The following GTF2H3 variants were observed in gnomAD, a reference collection of about 807,000 sequenced individuals.
GTF2H3 encodes general transcription factor IIH subunit 3.
GTF2H3 carries 42 observed loss-of-function variants against 51.1 expected under a neutral mutation model. That is an observed-to-expected ratio of 0.82 (90% CI 0.64 to 1.06). The LOEUF is 1.06. Ranked by LOEUF, GTF2H3 falls within the 50% of genes least tolerant of loss-of-function variation. The probability of loss-of-function intolerance (pLI) is 0.00; values close to 1 mark genes in which losing one functional copy is unlikely to be tolerated. For synonymous variants in GTF2H3, 123 were observed against 123.8 expected (o/e 0.99, Z 0.04); for missense variants, 326 against 366.1 (o/e 0.89, Z 0.89).
intron 2 of GTF2H3, among the ~76,000 whole-genome samples, chr12:123,642,058 T>C (rs1210994805): frequency 6.6e-6 from 1 of 151,984 alleles, no homozygotes; most frequent in East Asian, 1.9e-4. Context: ...TTCACCATAT[T>C]GGTCAGGCTG....
chr12:123,659,382 A>G (rs1441762581), intron 9 of GTF2H3, 134 bp from the exon 10 acceptor site: 1 of 705,222 alleles, frequency 1.4e-6, no homozygotes, highest in Non-Finnish European at 2.6e-6. Context: ...AAAAATAAAA[A>G]TAAAATAATA....
chr12:123,653,593 G>C (rs1273115934), intron 7 of GTF2H3, among the ~76,000 whole-genome samples: 3 of 151,498 alleles, frequency 2.0e-5, no homozygotes, highest in African/African-American at 7.3e-5. Context: ...AGGTTGCAGT[G>C]AGCCGAGATT....
chr12:123,659,691 G>A (rs1955630734), intron 10 of GTF2H3, 104 bp from the exon 11 acceptor site: 1 of 1,451,798 alleles, frequency 6.9e-7, no homozygotes, highest in Non-Finnish European at 9.6e-7. Flanking sequence ...CAGGAGAAGG[G>A]AATAAATGGA....
intron 2 of GTF2H3, among the ~76,000 whole-genome samples, chr12:123,642,608 A>G (rs915088317): frequency 3.9e-5 from 6 of 152,202 alleles, no homozygotes; most frequent in African/African-American, 1.4e-4. Context: ...GTATCTTATC[A>G]TTGTGTACTT....
intron 9 of GTF2H3, among the ~76,000 whole-genome samples, chr12:123,656,544 C>T (rs1257248350): frequency 1.3e-5 from 2 of 152,174 alleles, no homozygotes; most frequent in East Asian, 1.9e-4. Flanking sequence ...CTCCTGAGTT[C>T]CAGACTTGCA....
chr12:123,656,072 G>A (rs1593813098), intron 9 of GTF2H3: 1 of 357,928 alleles, frequency 2.8e-6, no homozygotes. Flanking sequence ...TAACCCGAAA[G>A]GGAAACAAAA....
Position 123,655,129 on chromosome 12 carries a change from T to A in GTF2H3, c.561+131T>A, listed in dbSNP as rs1955571107. ...ATGGGCAAGGAATCCAGAATCTGTA[T>A]TATGTTCTAGTCTTTTCTCTATTTT... On this transcript the variant is annotated intron_variant, in intron 8 of 12. Coordinates refer to ENST00000543341, the MANE Select transcript of GTF2H3 (RefSeq NM_001516.5). 9.9e-6 allele frequency: 7 copies of A among 710,434 alleles called. No homozygotes were observed. In the Admixed American group the frequency reaches 1.2e-4, roughly 12 times the overall value. The allele number at this position is 710,434 out of a possible 1,614,324, so 44.0% of individuals were successfully genotyped here. A position where few individuals can be genotyped will look rare whatever the true frequency, so the allele number is the denominator to read the frequency against.
rs1955515243 is a variant in GTF2H3 at position 123,651,172 on chromosome 12, T to C, written c.427+116T>C. 4.5e-6 allele frequency: 3 copies of C among 670,522 alleles called. No individual in the cohort carries two copies. In the South Asian group the frequency reaches 5.2e-5, roughly 12 times the overall value. 41.5% of individuals were successfully genotyped at this position (670,522 alleles called of 1,614,324 possible). A position where few individuals can be genotyped will look rare whatever the true frequency, so the allele number is the denominator to read the frequency against. ...ACTGGGACATGTGAGTACTCTGAAG[T>C]GGAGGGTAATTTTTTAAAAAATAGT... On this transcript the variant is annotated intron_variant, in intron 5 of 12. Transcript: ENST00000543341.
chr12:123,655,846 T>C (rs1379314808), intron 9 of GTF2H3, 22 bp downstream of exon 9: 1 of 1,524,436 alleles, frequency 6.6e-7, no homozygotes, highest in African/African-American at 1.4e-5. Flanking sequence ...AACCATGCTT[T>C]GTGTCGGTGG....
At chr12:123,641,750 T>G (rs190522609) in intron 2 of GTF2H3, among the ~76,000 whole-genome samples, 22 of 152,348 alleles carry the variant, frequency 1.4e-4, no homozygotes, top group Non-Finnish European at 2.6e-4. Context: ...TTTGGTTCTT[T>G]GTCCTCCTTT....
chr12:123,638,603 C>T (rs575450291), intron 1 of GTF2H3, among the ~76,000 whole-genome samples: 2 of 152,194 alleles, frequency 1.3e-5, no homozygotes, highest in South Asian at 2.1e-4. Flanking sequence ...TGCCACCACA[C>T]CTGGCCCTCG....
chr12:123,645,448 C>A lies in GTF2H3; in HGVS notation c.94-7C>A. On this transcript the variant is annotated splice_region_variant and splice_polypyrimidine_tract_variant and intron_variant, in intron 2 of 12. Coordinates refer to ENST00000543341, the MANE Select transcript of GTF2H3 (RefSeq NM_001516.5). Reference sequence around the variant, plus strand: ...TTGTTTTTCTAATGTCTTTTTTTTTCCAACAGTTCACTTTATCCAAATGCA... The same window carrying A: ...TTGTTTTTCTAATGTCTTTTTTTTTACAACAGTTCACTTTATCCAAATGCA... 2 of 1,441,220 alleles carry A rather than the reference C, an allele frequency of 1.4e-6. No homozygotes were observed. The highest frequency in any genetic ancestry group is 1.9e-6 in the Non-Finnish European group (2 of 1,032,708). The allele number at this position is 1,441,220 out of a possible 1,614,324, so 89.3% of individuals were successfully genotyped here.
chr12:123,641,545 T>G (rs547545202), intron 2 of GTF2H3, among the ~76,000 whole-genome samples: 3 of 150,438 alleles, frequency 2.0e-5, no homozygotes, highest in Admixed American at 6.6e-5. Context: ...TTTTGTGTGT[T>G]TTTTTTTTGA....
intron 9 of GTF2H3, 69 bp from the exon 10 acceptor site, chr12:123,659,447 T>G: frequency 4.8e-6 from 6 of 1,238,102 alleles, no homozygotes; most frequent in Non-Finnish European, 7.1e-6. Flanking sequence ...GCATTGCTCA[T>G]GAGAACCTCA....
chr12:123,653,720 G>C (rs1450707387), intron 7 of GTF2H3, among the ~76,000 whole-genome samples: 1 of 152,066 alleles, frequency 6.6e-6, no homozygotes, highest in East Asian at 1.9e-4. Context: ...GAAAAAGCTG[G>C]CAGTTCCCAG....
intron 2 of GTF2H3, chr12:123,639,831 A>C (rs1955341458): frequency 2.9e-6 from 1 of 346,312 alleles, no homozygotes; most frequent in Non-Finnish European, 6.1e-6. Flanking sequence ...TGAAACTATC[A>C]GTGCAATCTA....
intron 2 of GTF2H3, among the ~76,000 whole-genome samples, chr12:123,643,543 A>G (rs77452997): frequency 0.011 from 1,654 of 152,292 alleles, 37 homozygotes; most frequent in African/African-American, 0.038. Context: ...TGAGGCAAAA[A>G]ACAACGTAAT....
chr12:123,646,402 C>T (rs1370127298), intron 3 of GTF2H3, among the ~76,000 whole-genome samples: 7 of 152,054 alleles, frequency 4.6e-5, no homozygotes, highest in African/African-American at 1.7e-4. Context: ...GCTGGGACTA[C>T]AGGTGTGCAC....
chr12:123,640,873 C>G (rs757183646), intron 2 of GTF2H3, among the ~76,000 whole-genome samples: 7 of 152,182 alleles, frequency 4.6e-5, no homozygotes, highest in Non-Finnish European at 1.0e-4. Context: ...TATTTACTAT[C>G]TGGCCCTTCA....
Sources: gnomAD v4.1 joint callset for allele counts (sites outside exome capture counted in the v4.1 genomes callset) on GRCh38, gnomAD v4.1.1 for gene constraint, MANE v1.5 for transcripts, NCBI Gene and HGNC (gene_info 2026-07-23, HGNC 2026-07-21) for gene names.